Variants in MORF4L2 observed in about 807,000 individuals in gnomAD.
MORF4L2 encodes the protein mortality factor 4-like protein 2.
Under a neutral mutation model 12.0 loss-of-function variants are expected in MORF4L2, and 1 was observed. The ratio of observed to expected loss-of-function variants is 0.08; its 90% CI spans 0.03 to 0.40. MORF4L2 has a LOEUF of 0.40. MORF4L2 is among the 10% of genes least tolerant of loss of function. The probability of loss-of-function intolerance (pLI) is 0.98; values close to 1 mark genes in which losing one functional copy is unlikely to be tolerated. For synonymous variants in MORF4L2, 69 were observed against 81.6 expected, an observed-to-expected ratio of 0.85 and a Z score of 0.83; for missense variants, 123 against 214.0, an observed-to-expected ratio of 0.57 and a Z score of 2.65.
intron 3 of MORF4L2, among the ~76,000 whole-genome samples, chrX:103,678,027 T>C (rs150280258): frequency 2.7e-4 from 30 of 110,274 alleles, no homozygotes; most frequent in African/African-American, 5.3e-4. Flanking sequence ...GGGCCTATTG[T>C]GTGTGAGATG....
chrX:103,685,846 C>G (rs1418398549), intron 1 of MORF4L2, among the ~76,000 whole-genome samples: 1 of 111,272 alleles, frequency 9.0e-6, no homozygotes, highest in East Asian at 2.8e-4. Context: ...TATTTAGAAG[C>G]CAATCCCAGA....
chrX:103,675,914 C>T lies in MORF4L2; in HGVS notation c.*247G>A. The stretch of plus-strand genomic sequence containing the variant: ...CATTCAAGCAATGTTGTCAACTAGG[C>T]AATAAAATGTTCTACTGAATGTTTC... On this transcript the variant is annotated 3_prime_UTR_variant, in exon 4 of 4. Transcript: ENST00000441076. The T allele has an allele frequency of 3.3e-6, 1 of 300,015 alleles. No individual in the cohort carries two copies. The highest frequency in any genetic ancestry group is 2.7e-5 in the African/African-American group (1 of 36,817). The allele number at this position is 300,015 out of a possible 1,213,427, so 24.7% of individuals were successfully genotyped here. A position where few individuals can be genotyped will look rare whatever the true frequency, so the allele number is the denominator to read the frequency against.
intron 2 of MORF4L2, among the ~76,000 whole-genome samples, chrX:103,682,229 TATA>T (rs2074001309): frequency 8.9e-6 from 1 of 112,200 alleles, no homozygotes; most frequent in South Asian, 3.6e-4. Context: ...TAACACATTC[TATA>T]ATGTTATGTA....
intron 2 of MORF4L2, among the ~76,000 whole-genome samples, chrX:103,679,596 TTGTG>T (rs1231017500): frequency 1.8e-5 from 2 of 109,258 alleles, no homozygotes; most frequent in Non-Finnish European, 3.8e-5. Context: ...GTGCTGTCAT[TTGTG>T]TGTGTGTTTT....
intron 1 of MORF4L2, among the ~76,000 whole-genome samples, chrX:103,686,421 C>T (rs959938073): frequency 6.3e-5 from 7 of 111,361 alleles, no homozygotes; most frequent in Non-Finnish European, 1.3e-4. Flanking sequence ...TTATACAGTA[C>T]ACGTCTCTGA....
chrX:103,677,810 T>C (rs996721333), intron 3 of MORF4L2, among the ~76,000 whole-genome samples: 2 of 111,852 alleles, frequency 1.8e-5, no homozygotes, highest in Non-Finnish European at 3.8e-5. Flanking sequence ...ATGACAGTTA[T>C]AGGCACAAAA....
chrX:103,682,932 G>A (rs2074018838), intron 2 of MORF4L2, among the ~76,000 whole-genome samples: 1 of 112,034 alleles, frequency 8.9e-6, no homozygotes, highest in East Asian at 2.8e-4. Flanking sequence ...TTCCTCAAAT[G>A]TATAACTAAC....
rs1174962054 is a variant in MORF4L2, at chrX:103,679,521, C to CA, written c.-177-871dup. Reference sequence around the variant, plus strand: ...GCCTGGGCGACAGAGACTCCATCTCCAAAAAAAAAAAGATAGTACAGGTAG... The same window carrying CA: ...GCCTGGGCGACAGAGACTCCATCTCCAAAAAAAAAAAAGATAGTACAGGTAG... On this transcript the variant is annotated intron_variant, in intron 2 of 3. Transcript: ENST00000441076. 8.6e-4 allele frequency among the ~76,000 whole-genome samples: 82 copies of CA among 95,905 alleles called. No individual in the cohort carries two copies. The Middle Eastern group carries it at 0.016, about 18-fold the overall frequency. The allele number at this position is 95,905 out of a possible 115,157, so 83.3% of individuals were successfully genotyped here.
chrX:103,685,386 C>T (rs1169175395), intron 1 of MORF4L2, 126 bp from the exon 2 acceptor site: 1 of 112,521 alleles, frequency 8.9e-6, no homozygotes, highest in Non-Finnish European at 1.9e-5. Flanking sequence ...AAATAATGTA[C>T]AAGTGTTTCT....
At chrX:103,679,878 A>AG (rs1486224101) in intron 2 of MORF4L2, among the ~76,000 whole-genome samples, 39 of 95,460 alleles carry the variant, frequency 4.1e-4, no homozygotes, top group South Asian at 5.5e-4. Flanking sequence ...AAAAAAAAAA[A>AG]AAAAAAAGAA....
chrX:103,683,121 T>C (rs945207082), intron 2 of MORF4L2, among the ~76,000 whole-genome samples: 3 of 110,719 alleles, frequency 2.7e-5, no homozygotes, highest in Admixed American at 9.6e-5. Flanking sequence ...CGCTGTCACC[T>C]AGGCTGGAGT....
At position 103,676,745 on chromosome X, in the gene MORF4L2, G is replaced by A. The variant is rs780524142; in HGVS notation, c.283C>T (p.Pro95Ser). 3.3e-6 allele frequency: 4 copies of A among 1,203,026 alleles called. No homozygotes were observed. Among genetic ancestry groups the A allele is most frequent in the South Asian group, 3.6e-5 (2 of 56,229 alleles). Residue 95 changes from proline to serine, a missense_variant, in exon 4 of 4, where the codon CCT becomes TCT. Pro to Ser is a moderately conservative substitution (Grantham distance 74, BLOSUM62 -1). Transcript: ENST00000441076. Reference protein sequence around the residue: ...NGDGGSTSEAPQPPRKKRARA... With the variant: ...NGDGGSTSEASQPPRKKRARA... ...GCCCTTTTCTTCCGAGGGGGCTGAG[G>A]TGCTTCGCTGGTACTGCCACCATCT...
chrX:103,687,301 A>C (rs1249335203), upstream of MORF4L2: 1 of 111,985 alleles, frequency 8.9e-6, no homozygotes, highest in Non-Finnish European at 1.9e-5. Context: ...CACGGAAAAA[A>C]AAGGCGCAGT....
rs768926061 is a variant in MORF4L2, at chrX:103,675,520, A to G, written c.*641T>C. The G allele has an allele frequency of 8.8e-6, 1 of 113,355 alleles. No individual in the cohort carries two copies. Among genetic ancestry groups the G allele is most frequent in the South Asian group, 3.5e-4 (1 of 2,824 alleles). 9.3% of individuals were successfully genotyped at this position (113,355 alleles called of 1,213,427 possible). A position where few individuals can be genotyped will look rare whatever the true frequency, so the allele number is the denominator to read the frequency against. Reference sequence around the variant, plus strand: ...TACTTGCTTTGAAATTTAGAAACAAATTTTATTTAAGATCTGAAATACAAT... The same window carrying G: ...TACTTGCTTTGAAATTTAGAAACAAGTTTTATTTAAGATCTGAAATACAAT... On this transcript the variant is annotated 3_prime_UTR_variant, in exon 4 of 4. Transcript: ENST00000441076.
At chrX:103,686,720 A>T (rs2074119710), upstream of MORF4L2, 1 of 110,340 alleles carries the variant, frequency 9.1e-6, no homozygotes, top group Non-Finnish European at 1.9e-5. Flanking sequence ...TTCTCTGGCA[A>T]CTGATATCCA....
intron 2 of MORF4L2, among the ~76,000 whole-genome samples, chrX:103,679,110 G>T (rs1264623738): frequency 9.0e-6 from 1 of 111,376 alleles, no homozygotes; most frequent in Non-Finnish European, 1.9e-5. Context: ...AATGAATTAA[G>T]CAGAGATCTG....
At chrX:103,686,924 C>T (rs754215357), upstream of MORF4L2, 4 of 110,205 alleles carry the variant, frequency 3.6e-5, no homozygotes, top group East Asian at 1.1e-3. Flanking sequence ...AACCAATCCT[C>T]TTCCTCCGTT....
rs1262562571 is a variant in MORF4L2, at chrX:103,677,175, C to T, written c.-24-124G>A. ...AAAATCTGGATTTCAAATCCTATTTCAGGACCCTTTATAAGTGATTTTTTA... is the reference window on the plus strand; with the variant it reads ...AAAATCTGGATTTCAAATCCTATTTTAGGACCCTTTATAAGTGATTTTTTA... On this transcript the variant is annotated intron_variant, in intron 3 of 3. Coordinates refer to ENST00000441076, the MANE Select transcript of MORF4L2 (RefSeq NM_012286.3). The T allele has an allele frequency of 5.8e-6, 3 of 520,479 alleles. No individual in the cohort carries two copies. In the East Asian group the frequency reaches 1.2e-4, roughly 21 times the overall value. 42.9% of individuals were successfully genotyped at this position (520,479 alleles called of 1,213,427 possible).
intron 1 of MORF4L2, among the ~76,000 whole-genome samples, chrX:103,686,132 C>G (rs942848018): frequency 2.9e-5 from 3 of 104,014 alleles, no homozygotes; most frequent in African/African-American, 7.0e-5. Context: ...ACTCCCCCCC[C>G]CCCCACCTTT....
Sources: allele counts gnomAD v4.1 joint callset (sites outside exome capture counted in the v4.1 genomes callset), GRCh38; gene constraint gnomAD v4.1.1; transcripts MANE v1.5; gene names NCBI Gene and HGNC (gene_info 2026-07-23, HGNC 2026-07-21).